The following CELF2 variants were observed in gnomAD, a reference collection of about 807,000 sequenced individuals.
CELF2 encodes the protein CUG triplet repeat RNA-binding protein 2.
CELF2 carries 8 observed loss-of-function variants against 62.6 expected under a neutral mutation model. The observed-to-expected ratio is 0.13, with a 90% CI of 0.07 to 0.23. The LOEUF (loss-of-function observed/expected upper bound fraction) is 0.23. Ranked by LOEUF, CELF2 falls within the 10% of genes least tolerant of loss-of-function variation. The pLI is 1.00. For missense variants in CELF2, 333 were observed against 671.0 expected, an observed-to-expected ratio of 0.50 and a Z score of 5.56; for synonymous variants, 258 against 250.0, an observed-to-expected ratio of 1.03 and a Z score of -0.30.
intron 2 of CELF2, among the ~76,000 whole-genome samples, chr10:11,199,640 G>A (rs888239825): frequency 6.6e-6 from 1 of 152,182 alleles, no homozygotes; most frequent in African/African-American, 2.4e-5. Flanking sequence ...AGGCCCTCCA[G>A]ACTCCACTCA....
chr10:10,819,628 TC>T (rs2056789796), intron 1 of CELF2, among the ~76,000 whole-genome samples: 1 of 152,142 alleles, frequency 6.6e-6, no homozygotes, highest in South Asian at 2.1e-4. Context: ...TGCTCACTCC[TC>T]CTTCCCCTCT....
intron 1 of CELF2, chr10:10,919,950 T>G: frequency 8.1e-7 from 1 of 1,230,872 alleles, no homozygotes; most frequent in Non-Finnish European, 1.0e-6. Context: ...ATCTTCTTTT[T>G]CTCCTTCCTG....
the CELF2 span, among the ~76,000 whole-genome samples, chr10:10,514,167 A>C: frequency 2.0e-5 from 3 of 152,232 alleles, no homozygotes; most frequent in East Asian, 5.8e-4. Flanking sequence ...AATATATGCA[A>C]ATATGAAGTT....
At position 11,145,961 on chromosome 10, in the gene CELF2, A is replaced by G. The variant is rs1026564271; in HGVS notation, c.75-19525A>G. On this transcript the variant is annotated intron_variant, in intron 1 of 12. Transcript: ENST00000633077. This position sits in a 1 kb window ranked among gnomAD's most constrained non-coding sequence, Gnocchi z 4.3. ...TAAAATCCAAGAACATTGTGAGAAT[A>G]CCTACCTGTACTCTCCTCTGGTACT... 3.3e-5 allele frequency among the ~76,000 whole-genome samples: 5 copies of G among 152,184 alleles called. No individual in the cohort carries two copies. Among genetic ancestry groups the G allele is most frequent in the African/African-American group, 1.2e-4 (5 of 41,434 alleles).
At chr10:11,199,308 C>G (rs768430251) in intron 2 of CELF2, among the ~76,000 whole-genome samples, 6 of 152,212 alleles carry the variant, frequency 3.9e-5, no homozygotes, top group Non-Finnish European at 7.3e-5. Flanking sequence ...CTTAGGCCTG[C>G]TTTTCCCCCC....
chr10:11,288,757 CA>C (rs1052486680), intron 9 of CELF2, among the ~76,000 whole-genome samples: 1 of 152,106 alleles, frequency 6.6e-6, no homozygotes, highest in African/African-American at 2.4e-5. Context: ...GGATAATATG[CA>C]AAAAAGTTTT....
chr10:10,644,291 C>A, the CELF2 span, among the ~76,000 whole-genome samples: 1 of 152,226 alleles, frequency 6.6e-6, no homozygotes, highest in Admixed American at 6.5e-5. Flanking sequence ...ATTGTGTGAC[C>A]AGCTCTGGAA....
At chr10:10,651,914 A>C in the CELF2 span, among the ~76,000 whole-genome samples, 1 of 151,094 alleles carries the variant, frequency 6.6e-6, no homozygotes, top group African/African-American at 2.4e-5. Context: ...TCAGATGATC[A>C]AATTACTCTG....
rs1160916420 is a variant in CELF2 at position 10,988,451 on chromosome 10, G to A, written c.89+68452G>A. ...ATATCGTACGTTCTCACTTATAAGT[G>A]GGAGCTAAGCCATGAGGATACAAAG... On this transcript the variant is annotated intron_variant, in intron 2 of 13. Coordinates refer to the CELF2 transcript ENST00000636488. Among the ~76,000 whole-genome samples, 3 of 152,046 alleles carry A rather than the reference G, an allele frequency of 2.0e-5. No individual in the cohort carries two copies. The East Asian group carries it at 5.8e-4, about 29-fold the overall frequency.
the CELF2 span, among the ~76,000 whole-genome samples, chr10:10,766,982 C>G: frequency 1.3e-5 from 2 of 152,222 alleles, no homozygotes; most frequent in Admixed American, 6.5e-5. Flanking sequence ...TCTCAACCCA[C>G]TTCCACTTCT....
intron 2 of CELF2, among the ~76,000 whole-genome samples, chr10:10,996,690 T>C (rs937436483): frequency 6.6e-6 from 1 of 152,210 alleles, no homozygotes; most frequent in Non-Finnish European, 1.5e-5. Context: ...GTGTTCTCTT[T>C]TGCTGGAACA....
chr10:10,532,566 T>C, the CELF2 span, among the ~76,000 whole-genome samples: 7 of 152,202 alleles, frequency 4.6e-5, no homozygotes, highest in Admixed American at 3.3e-4. Flanking sequence ...TAATCTTACA[T>C]TGAGAGCAGC....
At chr10:10,748,853 A>T in the CELF2 span, among the ~76,000 whole-genome samples, 2 of 151,222 alleles carry the variant, frequency 1.3e-5, no homozygotes, top group African/African-American at 4.9e-5. Flanking sequence ...GGTGACTTGG[A>T]TCAGGTGGTG....
chr10:10,929,782 A>C (rs770610461), intron 2 of CELF2: 1 of 152,226 alleles, frequency 6.6e-6, no homozygotes, highest in Non-Finnish European at 1.5e-5. Flanking sequence ...GTTAGTTGAA[A>C]TTTGAGGTGG....
the CELF2 span, among the ~76,000 whole-genome samples, chr10:10,682,051 G>A: frequency 6.6e-5 from 10 of 152,186 alleles, no homozygotes; most frequent in Middle Eastern, 3.2e-3. Context: ...TGTGGCAGAA[G>A]AAGGGCTTGA....
intron 5 of CELF2, among the ~76,000 whole-genome samples, chr10:11,265,312 G>A (rs527887856): frequency 9.7e-4 from 147 of 152,300 alleles, no homozygotes; most frequent in African/African-American, 3.4e-3. Context: ...GACAATAGAC[G>A]TCAGCCTCTC....
At chr10:11,019,526 A>G (rs1165887354) in intron 1 of CELF2, among the ~76,000 whole-genome samples, 2 of 152,072 alleles carry the variant, frequency 1.3e-5, no homozygotes, top group East Asian at 3.9e-4. Context: ...GTTAAGTGTT[A>G]TGAGTTAAGA....
rs531578046 is a variant in CELF2 at position 11,207,723 on chromosome 10, C to T, written c.272-9702C>T. ...GATGGCAGCATCGCCCGTCAGCTTC[C>T]TAGGCAGTGGCCAGATGGTGATACC... On this transcript the variant is annotated intron_variant, in intron 2 of 12. Coordinates refer to ENST00000633077, the MANE Select transcript of CELF2 (RefSeq NM_001326342.2). This position sits in a 1 kb window ranked among gnomAD's most constrained non-coding sequence, Gnocchi z 4.1. 6.6e-6 allele frequency among the ~76,000 whole-genome samples: 1 copy of T among 152,314 alleles called. No individual in the cohort carries two copies. Among genetic ancestry groups the T allele is most frequent in the Non-Finnish European group, 1.5e-5 (1 of 68,018 alleles).
intron 1 of CELF2, among the ~76,000 whole-genome samples, chr10:10,841,191 T>C (rs1460006821): frequency 6.6e-6 from 1 of 152,192 alleles, no homozygotes; most frequent in East Asian, 1.9e-4. Context: ...TTTATAATCG[T>C]TTGGATATAT....
Sources: gnomAD v4.1 joint callset for allele counts (sites outside exome capture counted in the v4.1 genomes callset) on GRCh38, gnomAD v4.1.1 for gene constraint, Gnocchi (gnomAD v3.1) non-coding constraint, MANE v1.5 for transcripts, NCBI Gene and HGNC (gene_info 2026-07-23, HGNC 2026-07-21) for gene names.